Variants in SGMS1 observed in about 807,000 individuals in gnomAD.
SGMS1 encodes the protein phosphatidylcholine:ceramide cholinephosphotransferase 1.
In SGMS1, 13 loss-of-function variants were observed where a neutral mutation model predicts 46.2. The ratio of observed to expected loss-of-function variants is 0.28; its 90% CI spans 0.18 to 0.45. The LOEUF is 0.45. Ranked by LOEUF, SGMS1 falls within the 20% of genes least tolerant of loss-of-function variation. The pLI is 1.00. For synonymous variants in SGMS1, 203 were observed against 187.8 expected (o/e 1.08, Z -0.66); for missense variants, 324 against 519.9 (o/e 0.62, Z 3.66).
At chr10:50,384,490 C>T (rs541831280) in intron 6 of SGMS1, among the ~76,000 whole-genome samples, 2 of 150,724 alleles carry the variant, frequency 1.3e-5, no homozygotes, top group Admixed American at 1.3e-4. Context: ...CCCTCCATCC[C>T]TGCTTGCCTT....
chr10:50,551,571 T>G (rs1022932350), intron 2 of SGMS1, among the ~76,000 whole-genome samples: 2 of 152,184 alleles, frequency 1.3e-5, no homozygotes, highest in South Asian at 4.2e-4. Flanking sequence ...TTATGAGGAA[T>G]GTTTCATATC....
intron 2 of SGMS1, among the ~76,000 whole-genome samples, chr10:50,548,201 A>G (rs912094310): frequency 6.6e-6 from 1 of 152,206 alleles, no homozygotes; most frequent in Non-Finnish European, 1.5e-5. Context: ...ATAGAACTAG[A>G]AAAAACTATT....
chr10:50,575,380 C>T (rs1313889136), intron 2 of SGMS1, among the ~76,000 whole-genome samples: 3 of 151,868 alleles, frequency 2.0e-5, no homozygotes, highest in Non-Finnish European at 4.4e-5. Flanking sequence ...CTAGCAAGAC[C>T]CCATCTCTAT....
intron 3 of SGMS1, among the ~76,000 whole-genome samples, chr10:50,511,108 T>A (rs1837749836): frequency 6.6e-6 from 1 of 152,168 alleles, no homozygotes; most frequent in Non-Finnish European, 1.5e-5. Context: ...CTTTTCAGAA[T>A]GGGTGTTTGT....
At chr10:50,552,375 T>C (rs1337368611) in intron 2 of SGMS1, among the ~76,000 whole-genome samples, 1 of 152,202 alleles carries the variant, frequency 6.6e-6, no homozygotes, top group East Asian at 1.9e-4. Flanking sequence ...GATATGTAAG[T>C]AGACATACCC....
intron 1 of SGMS1, among the ~76,000 whole-genome samples, chr10:50,600,437 G>A (rs187054863): frequency 3.2e-4 from 48 of 152,310 alleles, no homozygotes; most frequent in Admixed American, 9.1e-4. Context: ...ATGAGATCAT[G>A]TCTGTGGAAG....
intron 6 of SGMS1, among the ~76,000 whole-genome samples, chr10:50,419,829 A>G (rs1399067034): frequency 1.3e-5 from 2 of 152,228 alleles, no homozygotes; most frequent in Non-Finnish European, 1.5e-5. Flanking sequence ...TTTCTCATAC[A>G]TGTTTAGAGT....
chr10:50,518,151 A>G (rs1837825504), intron 3 of SGMS1, among the ~76,000 whole-genome samples: 1 of 152,226 alleles, frequency 6.6e-6, no homozygotes, highest in South Asian at 2.1e-4. Flanking sequence ...TGCTGAAAAG[A>G]ACATCTATGT....
chr10:50,524,341 A>G (rs1837881264), intron 2 of SGMS1, among the ~76,000 whole-genome samples: 1 of 152,154 alleles, frequency 6.6e-6, no homozygotes, highest in Admixed American at 6.5e-5. Context: ...GCTTGATAAA[A>G]CAAGACCTCC....
Position 50,308,155 on chromosome 10 carries a change from G to T in SGMS1, c.896-7C>A, listed in dbSNP as rs1320962232. 1 of 1,611,244 alleles carries T rather than the reference G, an allele frequency of 6.2e-7. No individual in the cohort carries two copies. The highest frequency in any genetic ancestry group is 2.2e-5 in the East Asian group (1 of 44,816). ...CAGAGTCGCCGAGGGGAATCTGAAA[G>T]GGGGAGAGATTTGCAATAGTCCCAT... On this transcript the variant is annotated splice_polypyrimidine_tract_variant and splice_region_variant and intron_variant, in intron 9 of 10. Transcript: ENST00000361781.
At chr10:50,620,887 T>A (rs1234362400) in intron 1 of SGMS1, among the ~76,000 whole-genome samples, 1 of 152,064 alleles carries the variant, frequency 6.6e-6, no homozygotes, top group Non-Finnish European at 1.5e-5. Flanking sequence ...TAGTTAAAAA[T>A]AATAATAATA....
intron 3 of SGMS1, among the ~76,000 whole-genome samples, chr10:50,518,064 T>G (rs1005899170): frequency 6.6e-6 from 1 of 152,202 alleles, no homozygotes; most frequent in African/African-American, 2.4e-5. Context: ...ATGATAAGCA[T>G]GTACAGTTAA....
chr10:50,427,580 T>C (rs1849346056), intron 6 of SGMS1, among the ~76,000 whole-genome samples: 1 of 152,144 alleles, frequency 6.6e-6, no homozygotes, highest in Admixed American at 6.5e-5. Flanking sequence ...GAAGGTAAGC[T>C]GAACTAACCA....
intron 1 of SGMS1, among the ~76,000 whole-genome samples, chr10:50,596,440 A>G (rs539540073): frequency 6.6e-6 from 1 of 152,330 alleles, no homozygotes; most frequent in Admixed American, 6.5e-5. Flanking sequence ...GGCCTCCCAA[A>G]GTGCTGGGCT....
At chr10:50,317,006 A>G (rs570397342) in intron 8 of SGMS1, among the ~76,000 whole-genome samples, 66 of 152,326 alleles carry the variant, frequency 4.3e-4, no homozygotes, top group Admixed American at 5.2e-4. Flanking sequence ...GTATTTTTCA[A>G]TGCTAACACC....
chr10:50,487,090 A>G (rs1348574103), intron 3 of SGMS1, among the ~76,000 whole-genome samples: 3 of 152,220 alleles, frequency 2.0e-5, no homozygotes, highest in African/African-American at 7.2e-5. Context: ...TCTCACTTAT[A>G]ATTGGGAGCT....
chr10:50,516,652 C>T (rs1837809074), intron 3 of SGMS1, among the ~76,000 whole-genome samples: 1 of 152,134 alleles, frequency 6.6e-6, no homozygotes, highest in African/African-American at 2.4e-5. Flanking sequence ...AAAGATCACT[C>T]TTGCACTATT....
chr10:50,475,617 A>C (rs949778144), intron 3 of SGMS1, among the ~76,000 whole-genome samples: 29 of 152,256 alleles, frequency 1.9e-4, no homozygotes, highest in African/African-American at 6.7e-4. Flanking sequence ...CTCATGTTGA[A>C]TTGTACAATT....
chr10:50,504,424 T>C (rs1837687669), intron 3 of SGMS1, among the ~76,000 whole-genome samples: 1 of 152,232 alleles, frequency 6.6e-6, no homozygotes, highest in Admixed American at 6.5e-5. Flanking sequence ...TGTCATCAGT[T>C]ATGTTAGCTT....
Sources: gnomAD v4.1 joint callset for allele counts (sites outside exome capture counted in the v4.1 genomes callset) on GRCh38, gnomAD v4.1.1 for gene constraint, MANE v1.5 for transcripts, NCBI Gene and HGNC (gene_info 2026-07-23, HGNC 2026-07-21) for gene names.